FRMD1: variants seen among roughly 807,000 people sequenced by gnomAD.
FRMD1 encodes the protein FERM domain containing 1, also known as FERM domain-containing protein 1.
FRMD1 carries 51 observed loss-of-function variants against 54.9 expected under a neutral mutation model. The observed-to-expected ratio is 0.93, with a 90% CI of 0.74 to 1.17. FRMD1 has a LOEUF of 1.17. Ranked by LOEUF, FRMD1 falls within the 50% of genes most tolerant of loss-of-function variation. The probability of loss-of-function intolerance (pLI) is 0.00; values close to 1 mark genes in which losing one functional copy is unlikely to be tolerated. For missense variants in FRMD1, 729 were observed against 743.0 expected (o/e 0.98, Z 0.22); for synonymous variants, 324 against 306.4 (o/e 1.06, Z -0.60).
At chr6:168,067,027 C>T in intron 3 of FRMD1, 196 bp from the exon 4 acceptor site, 5 of 783,102 alleles carry the variant, frequency 6.4e-6, no homozygotes, top group East Asian at 2.7e-5. Flanking sequence ...TGGTCTACAG[C>T]GTTCAAGAAC....
chr6:168,081,385 A>C (rs1583211110), upstream of FRMD1: 1 of 1,535,214 alleles, frequency 6.5e-7, no homozygotes. Flanking sequence ...TCGTGATGGA[A>C]GAGGCTGGCC....
chr6:168,083,054 G>A (rs79823085), upstream of FRMD1, among the ~76,000 whole-genome samples: 221 of 152,322 alleles, frequency 1.5e-3, 2 homozygotes, highest in East Asian at 8.5e-3. Context: ...GTGGAGCGCC[G>A]GAGGTGCTTG....
At chr6:168,073,629 C>T (rs1565444) in intron 2 of FRMD1, among the ~76,000 whole-genome samples, 133,545 of 152,148 alleles carry the variant, frequency 0.88, 58,656 homozygotes, top group Non-Finnish European at 0.9. Flanking sequence ...CGGGGCCACC[C>T]GCGCTGAGGG....
chr6:168,062,029 C>A, intron 7 of FRMD1, 48 bp from the exon 8 acceptor site: 1 of 1,537,054 alleles, frequency 6.5e-7, no homozygotes. Flanking sequence ...GAAAACCACG[C>A]TAGCCACAGG....
At chr6:168,080,102 C>T (rs1800783897), upstream of FRMD1, among the ~76,000 whole-genome samples, 4 of 152,278 alleles carry the variant, frequency 2.6e-5, no homozygotes, top group South Asian at 8.3e-4. Flanking sequence ...TCTGGACCTC[C>T]GGACGGGCCG....
At position 168,060,755 on chromosome 6, in the gene FRMD1, G is replaced by A; in HGVS notation, c.1342+6C>T. On this transcript the variant is annotated splice_donor_region_variant and intron_variant, in intron 9 of 10. Transcript: ENST00000283309. ...CCTGAGGCCTGGGCATCTCCCTCGG[G>A]CCCACCTTGGCTGTCACCACGTGTG... 6.2e-7 allele frequency: 1 copy of A among 1,603,676 alleles called. No individual in the cohort carries two copies. The highest frequency in any genetic ancestry group is 8.5e-7 in the Non-Finnish European group (1 of 1,173,190).
chr6:168,082,792 G>A (rs557245028), upstream of FRMD1, among the ~76,000 whole-genome samples: 3 of 152,336 alleles, frequency 2.0e-5, no homozygotes, highest in East Asian at 5.8e-4. Flanking sequence ...GCTGGTATCT[G>A]GGAGATGCAT....
At chr6:168,086,992 C>T (rs1429069801) in intron 1 of FRMD1, among the ~76,000 whole-genome samples, 1 of 152,070 alleles carries the variant, frequency 6.6e-6, no homozygotes, top group Non-Finnish European at 1.5e-5. Context: ...CTCAGCCCTG[C>T]GCTCACCAGC....
intron 2 of FRMD1, among the ~76,000 whole-genome samples, chr6:168,073,035 T>A (rs1357607965): frequency 1.3e-5 from 2 of 152,098 alleles, no homozygotes; most frequent in Non-Finnish European, 2.9e-5. Flanking sequence ...CTGCACAGGG[T>A]GGCATGAATG....
At chr6:168,080,665 G>A (rs1004815169), upstream of FRMD1, among the ~76,000 whole-genome samples, 1 of 152,142 alleles carries the variant, frequency 6.6e-6, no homozygotes, top group Non-Finnish European at 1.5e-5. Context: ...GGGTTGGGGG[G>A]TGGCAGAACA....
chr6:168,069,199 C>T (rs1368998293), intron 2 of FRMD1, among the ~76,000 whole-genome samples: 1 of 152,222 alleles, frequency 6.6e-6, no homozygotes, highest in African/African-American at 2.4e-5. Flanking sequence ...GTCCCCACCC[C>T]ACCCCATAAC....
intron 4 of FRMD1, 41 bp downstream of exon 4, chr6:168,066,714 A>G (rs752777288): frequency 3.8e-6 from 6 of 1,572,996 alleles, no homozygotes; most frequent in Non-Finnish European, 4.3e-6. Flanking sequence ...GCAGATTTTC[A>G]GTATTCCAGG....
chr6:168,083,949 A>G (rs1268493532), upstream of FRMD1, among the ~76,000 whole-genome samples: 2 of 152,172 alleles, frequency 1.3e-5, no homozygotes, highest in Non-Finnish European at 2.9e-5. Context: ...GGCTTCCTAA[A>G]TGAGGGTCTC....
chr6:168,066,937 A>T, intron 3 of FRMD1, 106 bp from the exon 4 acceptor site: 2 of 1,414,992 alleles, frequency 1.4e-6, no homozygotes, highest in Non-Finnish European at 1.9e-6. Flanking sequence ...CTCAGCTTAA[A>T]GTCGAAGCTC....
rs568448930 is a variant in FRMD1 at position 168,059,668 on chromosome 6, C to T, written c.1343-480G>A. On this transcript the variant is annotated intron_variant, in intron 9 of 10. Transcript: ENST00000283309. This position sits in a 1 kb window ranked among gnomAD's most constrained non-coding sequence, Gnocchi z 4.4. ...ATCTCATCACATCCACCGTCAGGGC[C>T]GTGGGGACACTCAGAGACCAGCAGA... Among the ~76,000 whole-genome samples, 40 of 152,274 alleles carry T rather than the reference C, an allele frequency of 2.6e-4. No homozygotes were observed. Among genetic ancestry groups the T allele is most frequent in the South Asian group, 8.3e-4 (4 of 4,820 alleles).
Position 168,053,099 on chromosome 6 carries a change from G to A in FRMD1, c.*3998C>T, listed in dbSNP as rs1407344217. ...GAAAAACACAGTAACACAATATTTG[G>A]TGACGGTTTTATTGGTGAGCTGCCT... On this transcript the variant is annotated 3_prime_UTR_variant, in exon 11 of 11. Transcript: ENST00000283309. The A allele has an allele frequency of 6.6e-6, 1 of 152,194 alleles. No homozygotes were observed. Among genetic ancestry groups the A allele is most frequent in the Non-Finnish European group, 1.5e-5 (1 of 68,042 alleles). 9.4% of individuals were successfully genotyped at this position (152,194 alleles called of 1,614,324 possible). A position where few individuals can be genotyped will look rare whatever the true frequency, so the allele number is the denominator to read the frequency against.
At chr6:168,080,988 T>C (rs533958430), upstream of FRMD1, among the ~76,000 whole-genome samples, 1 of 152,244 alleles carries the variant, frequency 6.6e-6, no homozygotes, top group African/African-American at 2.4e-5. Context: ...ACTCCACATT[T>C]GTATTGATAA....
chr6:168,069,511 G>A (rs1372123297), intron 2 of FRMD1, among the ~76,000 whole-genome samples: 2 of 152,184 alleles, frequency 1.3e-5, no homozygotes, highest in African/African-American at 4.8e-5. Context: ...AGTGTTTGCA[G>A]CATGAGTGGC....
intron 3 of FRMD1, 53 bp downstream of exon 3, chr6:168,067,314 C>G (rs1800090094): frequency 2.5e-6 from 3 of 1,215,842 alleles, no homozygotes; most frequent in Non-Finnish European, 3.6e-6. Context: ...CCCCGTGGCC[C>G]AGCACAGCCC....
Sources: allele counts gnomAD v4.1 joint callset (sites outside exome capture counted in the v4.1 genomes callset), GRCh38; gene constraint gnomAD v4.1.1; non-coding constraint Gnocchi (gnomAD v3.1); transcripts MANE v1.5; gene names NCBI Gene and HGNC (gene_info 2026-07-23, HGNC 2026-07-21).